The following CSMD1 variants were observed in gnomAD, a reference collection of about 807,000 sequenced individuals.
The protein encoded by CSMD1 is CUB and sushi domain-containing protein 1.
CSMD1 carries 213 observed loss-of-function variants against 417.5 expected under a neutral mutation model. That is an observed-to-expected ratio of 0.51 (90% CI 0.46 to 0.57). CSMD1 has a LOEUF of 0.57. Among genes scored for constraint, CSMD1 ranks in the 20% least tolerant of loss-of-function variants. CSMD1 has a pLI of 0.00. For missense variants in CSMD1, 6,923 were observed against 4,529.7 expected (o/e 1.53, Z -15.17); for synonymous variants, 2,862 against 1,736.8 (o/e 1.65, Z -16.11).
intron 5 of CSMD1, among the ~76,000 whole-genome samples, chr8:3,808,754 G>A (rs150667612): frequency 6.6e-6 from 1 of 152,284 alleles, no homozygotes; most frequent in Non-Finnish European, 1.5e-5. Flanking sequence ...AGCCTTGCAA[G>A]AACACGAGTT....
At chr8:4,116,583 C>G (rs1184825820) in intron 3 of CSMD1, among the ~76,000 whole-genome samples, 1 of 65,070 alleles carries the variant, frequency 1.5e-5, no homozygotes, top group African/African-American at 6.4e-5. Flanking sequence ...TGTACACATC[C>G]GACAGTGATG....
intron 49 of CSMD1, among the ~76,000 whole-genome samples, chr8:3,069,670 G>A (rs989902901): frequency 6.6e-6 from 1 of 152,168 alleles, no homozygotes; most frequent in African/African-American, 2.4e-5. Flanking sequence ...GAGTGCCTGT[G>A]GCTTTTTCAT....
intron 26 of CSMD1, among the ~76,000 whole-genome samples, chr8:3,260,859 C>A (rs1801007690): frequency 1.3e-5 from 2 of 152,110 alleles, no homozygotes; most frequent in Admixed American, 6.6e-5. Flanking sequence ...GATGGAAAGA[C>A]AAGCTACAGA....
chr8:4,964,885 G>A (rs920605162), intron 1 of CSMD1, among the ~76,000 whole-genome samples: 8 of 152,150 alleles, frequency 5.3e-5, no homozygotes, highest in Non-Finnish European at 1.2e-4. Flanking sequence ...TGATGGTTCT[G>A]GAGCGGAGTT....
chr8:3,740,721 T>G (rs1025024688), intron 6 of CSMD1, among the ~76,000 whole-genome samples: 1 of 151,454 alleles, frequency 6.6e-6, no homozygotes. Context: ...AAACGAAGAG[T>G]CTAAAAGACT....
chr8:3,084,100 T>A (rs972821576), intron 49 of CSMD1, among the ~76,000 whole-genome samples: 1 of 152,166 alleles, frequency 6.6e-6, no homozygotes, highest in Admixed American at 6.5e-5. Context: ...AGAAGGTTTC[T>A]AGCATAATCC....
chr8:4,632,394 C>A (rs1802574494), intron 2 of CSMD1, among the ~76,000 whole-genome samples: 1 of 152,038 alleles, frequency 6.6e-6, no homozygotes, highest in Non-Finnish European at 1.5e-5. Flanking sequence ...ACCCTGTAAT[C>A]CCAGTTACTC....
At chr8:4,725,592 C>T (rs1242112588) in intron 1 of CSMD1, among the ~76,000 whole-genome samples, 3 of 152,098 alleles carry the variant, frequency 2.0e-5, no homozygotes, top group Non-Finnish European at 2.9e-5. Context: ...CAACATGGGG[C>T]GCGTCTCAAA....
rs189691663 is a variant in CSMD1 at position 3,129,409 on chromosome 8, G to T, written c.6242-10822C>A. Among the ~76,000 whole-genome samples the T allele has an allele frequency of 3.3e-5, 5 of 152,244 alleles. No individual in the cohort carries two copies. In the East Asian group the frequency reaches 9.6e-4, roughly 29 times the overall value. On this transcript the variant is annotated intron_variant, in intron 41 of 69. Transcript: ENST00000635120. ...CCATTATTACAGATTGAAATAATTG[G>T]TAGCTTTTGGAACTACATAGACATG...
At chr8:4,330,924 A>G (rs901681939) in intron 3 of CSMD1, among the ~76,000 whole-genome samples, 1 of 151,958 alleles carries the variant, frequency 6.6e-6, no homozygotes, top group African/African-American at 2.4e-5. Flanking sequence ...CCTACATTGG[A>G]TTCACTTTTC....
intron 10 of CSMD1, among the ~76,000 whole-genome samples, chr8:3,515,643 G>A (rs1563112496): frequency 2.0e-5 from 3 of 152,234 alleles, no homozygotes; most frequent in Admixed American, 2.0e-4. Flanking sequence ...CACTGGAAAT[G>A]TGGCCAACTT....
At position 3,908,336 on chromosome 8, in the gene CSMD1, A is replaced by T. The variant is rs144822508; in HGVS notation, c.818+89567T>A. On this transcript the variant is annotated intron_variant, in intron 5 of 69. Transcript: ENST00000635120. ...ATGTGAAGATTTCAACAAAATTTTT[A>T]CTGAATATTTTATGCTATTAATCAT... Among the ~76,000 whole-genome samples, 48 of 152,352 alleles carry T rather than the reference A, an allele frequency of 3.2e-4. 1 individual carries two copies. The highest frequency in any genetic ancestry group is 1.2e-3 in the African/African-American group (48 of 41,594).
chr8:4,103,511 T>C (rs1351379780), intron 3 of CSMD1, among the ~76,000 whole-genome samples: 1 of 151,136 alleles, frequency 6.6e-6, no homozygotes, highest in African/African-American at 2.4e-5. Flanking sequence ...TATAAATATA[T>C]ATAAATGTAA....
chr8:4,445,078 T>A (rs1292938093), intron 2 of CSMD1, among the ~76,000 whole-genome samples: 1 of 152,224 alleles, frequency 6.6e-6, no homozygotes, highest in South Asian at 2.1e-4. Context: ...AACTACATGT[T>A]TAACATGTTA....
chr8:4,438,724 G>A (rs140769673), intron 2 of CSMD1, among the ~76,000 whole-genome samples: 5 of 152,336 alleles, frequency 3.3e-5, no homozygotes, highest in African/African-American at 1.2e-4. Context: ...ATTACCTGCA[G>A]TTACCTGCAA....
At chr8:4,612,921 T>C (rs1166411351) in intron 2 of CSMD1, among the ~76,000 whole-genome samples, 3 of 152,184 alleles carry the variant, frequency 2.0e-5, no homozygotes, top group Non-Finnish European at 4.4e-5. Flanking sequence ...AGAGATTTTA[T>C]GTACTAATTA....
chr8:4,897,383 C>T (rs1804566774), intron 1 of CSMD1, among the ~76,000 whole-genome samples: 1 of 152,028 alleles, frequency 6.6e-6, no homozygotes, highest in Admixed American at 6.6e-5. Flanking sequence ...CAATTCAATC[C>T]ATTCAACAGG....
intron 2 of CSMD1, among the ~76,000 whole-genome samples, chr8:4,591,091 C>G (rs745392523): frequency 4.6e-5 from 7 of 152,210 alleles, no homozygotes; most frequent in Admixed American, 2.0e-4. Flanking sequence ...CTGCTATTCT[C>G]TAAGGTTGTA....
At chr8:3,122,562 G>C (rs1362692118) in intron 41 of CSMD1, among the ~76,000 whole-genome samples, 1 of 152,182 alleles carries the variant, frequency 6.6e-6, no homozygotes, top group Non-Finnish European at 1.5e-5. Context: ...TTGTGAATGT[G>C]GGAGGGACCC....
Sources: gnomAD v4.1 joint callset for allele counts (sites outside exome capture counted in the v4.1 genomes callset) on GRCh38, gnomAD v4.1.1 for gene constraint, MANE v1.5 for transcripts, NCBI Gene and HGNC (gene_info 2026-07-23, HGNC 2026-07-21) for gene names.